CTNNA3: variants seen among roughly 807,000 people sequenced by gnomAD.
CTNNA3 encodes the protein catenin alpha 3, also known as catenin alpha-3.
In CTNNA3, 76 loss-of-function variants were observed where a neutral mutation model predicts 95.7. That is an observed-to-expected ratio of 0.79 (90% CI 0.66 to 0.96). CTNNA3 has a LOEUF of 0.96. CTNNA3 is among the 40% of genes least tolerant of loss of function. CTNNA3 has a pLI of 0.00. For synonymous variants in CTNNA3, 431 were observed against 374.4 expected (o/e 1.15, Z -1.74); for missense variants, 1,191 against 1,089.8 (o/e 1.09, Z -1.31).
intron 13 of CTNNA3, among the ~76,000 whole-genome samples, chr10:66,123,197 G>A (rs902918649): frequency 1.3e-5 from 2 of 152,164 alleles, no homozygotes; most frequent in Non-Finnish European, 2.9e-5. Flanking sequence ...AAACAATGGA[G>A]GTTCAGGCAT....
At chr10:65,993,132 AT>A in intron 15 of CTNNA3, among the ~76,000 whole-genome samples, 1 of 152,300 alleles carries the variant, frequency 6.6e-6, no homozygotes, top group South Asian at 2.1e-4. Context: ...CTTTTAAAAA[AT>A]TTGTTAAGAT....
chr10:67,154,271 T>G (rs1425970191), intron 7 of CTNNA3, among the ~76,000 whole-genome samples: 3 of 152,188 alleles, frequency 2.0e-5, no homozygotes, highest in Non-Finnish European at 2.9e-5. Context: ...ACTTTTCATC[T>G]TAAAATATAT....
At chr10:66,452,530 C>T (rs774198722) in intron 11 of CTNNA3, among the ~76,000 whole-genome samples, 2 of 152,094 alleles carry the variant, frequency 1.3e-5, no homozygotes, top group Non-Finnish European at 2.9e-5. Flanking sequence ...AACTTTGGAA[C>T]AAAGATGATA....
chr10:66,389,590 C>T (rs1002261076), intron 11 of CTNNA3, among the ~76,000 whole-genome samples: 5 of 152,052 alleles, frequency 3.3e-5, no homozygotes, highest in African/African-American at 1.2e-4. Flanking sequence ...CTAAAAGATA[C>T]TTTGTTTGGT....
At chr10:67,761,109 C>T (rs1304380590) in intron 1 of CTNNA3, among the ~76,000 whole-genome samples, 1 of 152,118 alleles carries the variant, frequency 6.6e-6, no homozygotes, top group Non-Finnish European at 1.5e-5. Flanking sequence ...CAGTAGGCAA[C>T]TGTAACACAA....
chr10:66,431,857 C>A (rs1438407136), intron 11 of CTNNA3, among the ~76,000 whole-genome samples: 3 of 151,934 alleles, frequency 2.0e-5, no homozygotes, highest in Non-Finnish European at 4.4e-5. Flanking sequence ...TGTAACAAAC[C>A]TGCACGTTGT....
intron 10 of CTNNA3, among the ~76,000 whole-genome samples, chr10:66,601,069 T>A (rs968812410): frequency 6.6e-6 from 1 of 151,842 alleles, no homozygotes; most frequent in African/African-American, 2.4e-5. Flanking sequence ...AGCCCAGTAA[T>A]GTGTATGTCA....
At chr10:67,722,181 A>C (rs887263664) in intron 1 of CTNNA3, among the ~76,000 whole-genome samples, 9 of 152,204 alleles carry the variant, frequency 5.9e-5, no homozygotes, top group African/African-American at 1.9e-4. Context: ...CTAAGAACCA[A>C]ATTTTTAGAA....
chr10:67,154,049 TA>T (rs891625186), intron 7 of CTNNA3, among the ~76,000 whole-genome samples: 26 of 151,872 alleles, frequency 1.7e-4, no homozygotes, highest in African/African-American at 5.3e-4. Context: ...AATTCTCAAT[TA>T]AAAAAAACTT....
intron 5 of CTNNA3, among the ~76,000 whole-genome samples, chr10:67,340,801 ATATAGTAT>A (rs1842155543): frequency 6.6e-6 from 1 of 152,252 alleles, no homozygotes; most frequent in African/African-American, 2.4e-5. Context: ...GTTCTGATGA[ATATAGTAT>A]TACACTTTGA....
chr10:66,975,824 T>C (rs188713934), intron 7 of CTNNA3, among the ~76,000 whole-genome samples: 3 of 152,338 alleles, frequency 2.0e-5, no homozygotes, highest in African/African-American at 7.2e-5. Context: ...TTTTGGTATT[T>C]TAAACTCCAT....
At chr10:67,317,365 C>T (rs1270169407) in intron 5 of CTNNA3, among the ~76,000 whole-genome samples, 2 of 150,970 alleles carry the variant, frequency 1.3e-5, no homozygotes, top group African/African-American at 2.4e-5. Context: ...CTCCCCCGTC[C>T]CCCCACCCCA....
chr10:66,995,548 G>T (rs1589567527), intron 7 of CTNNA3, among the ~76,000 whole-genome samples: 1 of 152,098 alleles, frequency 6.6e-6, no homozygotes, highest in Non-Finnish European at 1.5e-5. Flanking sequence ...CCTTTCAAAG[G>T]TTACCAATAT....
chr10:66,293,995 C>T (rs2091734030), intron 12 of CTNNA3, among the ~76,000 whole-genome samples: 1 of 152,036 alleles, frequency 6.6e-6, no homozygotes, highest in Non-Finnish European at 1.5e-5. Flanking sequence ...AAAAATCAAG[C>T]ACCTTTCTAA....
At chr10:66,853,286 G>A (rs1843561564) in intron 7 of CTNNA3, among the ~76,000 whole-genome samples, 1 of 151,940 alleles carries the variant, frequency 6.6e-6, no homozygotes, top group Non-Finnish European at 1.5e-5. Context: ...TTATTATCCG[G>A]CCCGTTAGAG....
intron 11 of CTNNA3, among the ~76,000 whole-genome samples, chr10:66,496,893 T>A (rs1840117631): frequency 6.6e-6 from 1 of 152,040 alleles, no homozygotes; most frequent in South Asian, 2.1e-4. Flanking sequence ...AGGCTAGAAG[T>A]CTGAGATTAA....
intron 12 of CTNNA3, among the ~76,000 whole-genome samples, chr10:66,334,544 A>G (rs2092372175): frequency 6.6e-6 from 1 of 151,978 alleles, no homozygotes; most frequent in Admixed American, 6.5e-5. Context: ...TTTCTTTAAT[A>G]ATGTTGAATA....
At chr10:66,686,269 A>G (rs968891237) in intron 9 of CTNNA3, among the ~76,000 whole-genome samples, 9 of 149,904 alleles carry the variant, frequency 6.0e-5, no homozygotes, top group Non-Finnish European at 1.0e-4. Flanking sequence ...ACTCTTCAGC[A>G]GCCTGGGCAA....
chr10:66,088,485 TTGTGTGTGTGTGTGTGTGTGTGTGTG>T (rs3074377), intron 14 of CTNNA3, among the ~76,000 whole-genome samples: 2 of 139,568 alleles, frequency 1.4e-5, no homozygotes, highest in Admixed American at 7.2e-5. Flanking sequence ...GGTAGGTGTT[TTGTGTGTGTGTGTGTGTGTGTGTGTG>T]TGTGTGTGTG....
Sources: gnomAD v4.1 joint callset for allele counts (sites outside exome capture counted in the v4.1 genomes callset) on GRCh38, gnomAD v4.1.1 for gene constraint, MANE v1.5 for transcripts, NCBI Gene and HGNC (gene_info 2026-07-23, HGNC 2026-07-21) for gene names.